DSCAM: variants seen among roughly 807,000 people sequenced by gnomAD.
DSCAM encodes the protein cell adhesion molecule DSCAM.
Under a neutral mutation model 217.7 loss-of-function variants are expected in DSCAM, and 47 were observed. That is an observed-to-expected ratio of 0.22 (90% confidence interval 0.17 to 0.28). DSCAM has a LOEUF of 0.28. Among genes scored for constraint, DSCAM ranks in the 10% least tolerant of loss-of-function variants. The pLI, the probability that DSCAM is intolerant of heterozygous loss-of-function variation, is 1.00. For missense variants in DSCAM, 2,080 were observed against 2,618.3 expected, an observed-to-expected ratio of 0.79 and a Z score of 4.49; for synonymous variants, 1,056 against 1,015.3, an observed-to-expected ratio of 1.04 and a Z score of -0.76.
Position 40,102,918 on chromosome 21 carries a change from C to A in DSCAM, c.3697-9044G>T, listed in dbSNP as rs181195426. 3.2e-3 allele frequency among the ~76,000 whole-genome samples: 494 copies of A among 152,284 alleles called. 2 individuals are homozygous for A. The highest frequency in any genetic ancestry group is 0.011 in the African/African-American group (463 of 41,560). ...TTACTGCATCTCCCCAGGGGTCAGGCTCCCCGACCCATCCCTCTACTCCTT... is the reference window on the plus strand; with the variant it reads ...TTACTGCATCTCCCCAGGGGTCAGGATCCCCGACCCATCCCTCTACTCCTT... On this transcript the variant is annotated intron_variant, in intron 20 of 32. Coordinates refer to ENST00000400454, the MANE Select transcript of DSCAM (RefSeq NM_001389.5).
intron 7 of DSCAM, 142 bp downstream of exon 7, chr21:40,338,977 A>T: frequency 9.5e-7 from 1 of 1,051,158 alleles, no homozygotes; most frequent in Non-Finnish European, 1.4e-6. Flanking sequence ...GCCATTCCTG[A>T]GTAGGAAGGA....
intron 3 of DSCAM, among the ~76,000 whole-genome samples, chr21:40,545,594 C>T (rs1568893907): frequency 6.6e-6 from 1 of 152,102 alleles, no homozygotes; most frequent in Non-Finnish European, 1.5e-5. Flanking sequence ...CACTGACTTT[C>T]TGGGAACCTC....
chr21:40,613,621 A>T (rs558412253), intron 3 of DSCAM, among the ~76,000 whole-genome samples: 1 of 152,112 alleles, frequency 6.6e-6, no homozygotes, highest in South Asian at 2.1e-4. Context: ...TCCGGATGTA[A>T]AAGTTGCCCT....
At chr21:40,200,813 T>C (rs1484530095) in intron 11 of DSCAM, among the ~76,000 whole-genome samples, 1 of 152,170 alleles carries the variant, frequency 6.6e-6, no homozygotes, top group East Asian at 1.9e-4. Flanking sequence ...TGAGATTATG[T>C]TAGAGGAACC....
At chr21:40,787,213 C>G (rs576075001) in intron 1 of DSCAM, among the ~76,000 whole-genome samples, 1 of 152,158 alleles carries the variant, frequency 6.6e-6, no homozygotes, top group African/African-American at 2.4e-5. Flanking sequence ...CTTAAATGTG[C>G]GGGCTTGCAT....
intron 1 of DSCAM, among the ~76,000 whole-genome samples, chr21:40,832,852 C>T (rs2092022703): frequency 6.6e-6 from 1 of 152,150 alleles, no homozygotes; most frequent in Admixed American, 6.5e-5. Flanking sequence ...ATATTTTCTA[C>T]TCACATTCTT....
At chr21:40,762,677 C>G (rs1267277726) in intron 1 of DSCAM, among the ~76,000 whole-genome samples, 1 of 152,140 alleles carries the variant, frequency 6.6e-6, no homozygotes, top group African/African-American at 2.4e-5. Flanking sequence ...AATTTCAGGC[C>G]GATATCCCTG....
intron 21 of DSCAM, 144 bp downstream of exon 21, chr21:40,093,577 G>T: frequency 1.0e-6 from 1 of 1,003,500 alleles, no homozygotes. Context: ...GAGCTTGTTA[G>T]CCACAACCCT....
At chr21:40,066,491 T>C (rs7277623) in intron 27 of DSCAM, among the ~76,000 whole-genome samples, 52,461 of 152,076 alleles carry the variant, frequency 0.34, 9,429 homozygotes, top group Non-Finnish European at 0.39. Context: ...CTTTGAAAGG[T>C]TTGTGATTTT....
intron 3 of DSCAM, among the ~76,000 whole-genome samples, chr21:40,638,301 A>G (rs2089834056): frequency 6.6e-6 from 1 of 152,236 alleles, no homozygotes; most frequent in South Asian, 2.1e-4. Context: ...ATGGTAACAT[A>G]ACTGCTAACA....
intron 3 of DSCAM, among the ~76,000 whole-genome samples, chr21:40,629,242 G>A (rs1278422642): frequency 6.6e-6 from 1 of 152,134 alleles, no homozygotes; most frequent in Non-Finnish European, 1.5e-5. Context: ...AACCATTTGG[G>A]ATTGGACAAG....
chr21:40,605,802 T>TC (rs1478866811), intron 3 of DSCAM, among the ~76,000 whole-genome samples: 1 of 137,264 alleles, frequency 7.3e-6, no homozygotes, highest in East Asian at 2.1e-4. Context: ...TTTTTTTTTT[T>TC]TTTTTTTTTT....
chr21:40,195,377 G>A (rs2090996831), intron 11 of DSCAM, among the ~76,000 whole-genome samples: 1 of 152,186 alleles, frequency 6.6e-6, no homozygotes. Flanking sequence ...GAAAACAGGA[G>A]AAAGTACCAA....
chr21:40,475,038 C>T (rs1341809218), intron 3 of DSCAM, among the ~76,000 whole-genome samples: 1 of 152,140 alleles, frequency 6.6e-6, no homozygotes, highest in African/African-American at 2.4e-5. Flanking sequence ...TTGCTGTTGC[C>T]TCACCTACCC....
intron 3 of DSCAM, among the ~76,000 whole-genome samples, chr21:40,504,138 G>A (rs1465907172): frequency 6.6e-6 from 1 of 152,088 alleles, no homozygotes; most frequent in East Asian, 1.9e-4. Context: ...CTGAGGCTTA[G>A]AACATTGAAG....
At chr21:40,435,665 T>C (rs189652214) in intron 3 of DSCAM, among the ~76,000 whole-genome samples, 1 of 152,376 alleles carries the variant, frequency 6.6e-6, no homozygotes, top group East Asian at 1.9e-4. Flanking sequence ...GAATTGCTTT[T>C]GTACCTTTGT....
chr21:40,766,345 AT>A (rs1451363978), intron 1 of DSCAM, among the ~76,000 whole-genome samples: 2 of 151,408 alleles, frequency 1.3e-5, no homozygotes, highest in Non-Finnish European at 2.9e-5. Flanking sequence ...ATATATATAT[AT>A]TTTCAAAGGA....
intron 18 of DSCAM, among the ~76,000 whole-genome samples, chr21:40,135,052 G>A (rs1022957837): frequency 1.3e-5 from 2 of 152,184 alleles, no homozygotes; most frequent in Admixed American, 6.5e-5. Context: ...GAAAACTTAC[G>A]AATGTTGTGC....
intron 3 of DSCAM, among the ~76,000 whole-genome samples, chr21:40,442,497 A>C (rs2075639049): frequency 6.7e-6 from 1 of 149,370 alleles, no homozygotes; most frequent in Non-Finnish European, 1.5e-5. Context: ...ATACAAATTA[A>C]GACCCCTAAT....
Sources: allele counts gnomAD v4.1 joint callset (sites outside exome capture counted in the v4.1 genomes callset), GRCh38; gene constraint gnomAD v4.1.1; transcripts MANE v1.5; gene names NCBI Gene and HGNC (gene_info 2026-07-23, HGNC 2026-07-21).